NAV2: variants seen among roughly 807,000 people sequenced by gnomAD.
NAV2 encodes the protein neuron navigator 2, also known as helicase, APC down-regulated 1.
NAV2 carries 54 observed loss-of-function variants against 223.2 expected under a neutral mutation model. That is an observed-to-expected ratio of 0.24 (90% CI 0.19 to 0.30). The LOEUF (loss-of-function observed/expected upper bound fraction) is 0.30. NAV2 is among the 10% of genes least tolerant of loss of function. The pLI is 1.00. For missense variants in NAV2, 2,806 were observed against 3,147.5 expected (o/e 0.89, Z 2.60); for synonymous variants, 1,279 against 1,239.3 (o/e 1.03, Z -0.67).
intron 1 of NAV2, among the ~76,000 whole-genome samples, chr11:19,612,989 T>A (rs1179600348): frequency 6.6e-6 from 1 of 152,156 alleles, no homozygotes; most frequent in African/African-American, 2.4e-5. Context: ...GGCCTCAGAA[T>A]CATCCCGGAA....
intron 1 of NAV2, among the ~76,000 whole-genome samples, chr11:19,452,718 G>A (rs1851831059): frequency 6.6e-6 from 1 of 152,170 alleles, no homozygotes; most frequent in Admixed American, 6.5e-5. Flanking sequence ...ATAATAAGGT[G>A]TGAATATCTC....
chr11:19,689,179 C>G (rs1285997505), intron 1 of NAV2, among the ~76,000 whole-genome samples: 1 of 152,196 alleles, frequency 6.6e-6, no homozygotes, highest in Non-Finnish European at 1.5e-5. Context: ...TGTGACAATG[C>G]TGGGACAGAG....
At chr11:19,653,962 C>G (rs939506627) in intron 1 of NAV2, among the ~76,000 whole-genome samples, 3 of 152,144 alleles carry the variant, frequency 2.0e-5, no homozygotes, top group African/African-American at 7.2e-5. Flanking sequence ...TCCCTGTTTG[C>G]AGATGACATG....
chr11:19,737,971 T>C (rs1176370142), intron 1 of NAV2, among the ~76,000 whole-genome samples: 1 of 152,222 alleles, frequency 6.6e-6, no homozygotes. Flanking sequence ...TTAGTGGTGG[T>C]TATGATGTGA....
At chr11:19,925,542 G>T (rs1480730994) in intron 6 of NAV2, among the ~76,000 whole-genome samples, 1 of 152,040 alleles carries the variant, frequency 6.6e-6, no homozygotes, top group Non-Finnish European at 1.5e-5. Flanking sequence ...CGAGGTCAGG[G>T]GTTCGAGACC....
intron 3 of NAV2, among the ~76,000 whole-genome samples, chr11:19,859,801 G>A (rs1415739381): frequency 6.8e-6 from 1 of 146,754 alleles, no homozygotes. Flanking sequence ...CGGACGGGGC[G>A]GCTGGCCGGG....
intron 1 of NAV2, among the ~76,000 whole-genome samples, chr11:19,515,600 C>A (rs760655171): frequency 6.6e-6 from 1 of 152,200 alleles, no homozygotes; most frequent in African/African-American, 2.4e-5. Context: ...TTCCCAGATG[C>A]TAATTGCTCT....
At chr11:19,836,627 A>G (rs2060253770) in intron 2 of NAV2, among the ~76,000 whole-genome samples, 1 of 151,956 alleles carries the variant, frequency 6.6e-6, no homozygotes, top group Non-Finnish European at 1.5e-5. Flanking sequence ...GTAGTCAACA[A>G]CCTCTATTAA....
chr11:19,738,218 A>G lies in NAV2; in HGVS notation c.267+24256A>G, dbSNP rs73429711. ...CTGCAGAGAGTTCCCTCAGGGGGCC[A>G]GTGACATGCCCCAGAGTCGGGTCCC... On this transcript the variant is annotated intron_variant, in intron 1 of 37. Coordinates refer to ENST00000349880, the MANE Select transcript of NAV2 (RefSeq NM_145117.5). Among the ~76,000 whole-genome samples the G allele has an allele frequency of 3.2e-3, 487 of 152,332 alleles. 6 individuals carry two copies. Among genetic ancestry groups the G allele is most frequent in the African/African-American group, 0.011 (456 of 41,572 alleles).
chr11:19,982,270 T>G (rs1466014406), intron 10 of NAV2, among the ~76,000 whole-genome samples: 2 of 152,056 alleles, frequency 1.3e-5, no homozygotes, highest in African/African-American at 2.4e-5. Flanking sequence ...TTTTGTTTTG[T>G]TTTGTTTTGT....
At chr11:19,444,013 C>A (rs1475582881) in intron 1 of NAV2, among the ~76,000 whole-genome samples, 5 of 152,292 alleles carry the variant, frequency 3.3e-5, no homozygotes, top group African/African-American at 1.2e-4. Context: ...CGGCTCACTG[C>A]AACCTCTGCT....
upstream of NAV2, among the ~76,000 whole-genome samples, chr11:19,709,324 C>T (rs141861038): frequency 5.5e-4 from 83 of 152,196 alleles, 1 homozygote; most frequent in East Asian, 9.7e-3. Flanking sequence ...GGGCGAATCA[C>T]GAGGTCAGGA....
chr11:19,778,704 C>A (rs2056493483), intron 1 of NAV2, among the ~76,000 whole-genome samples: 1 of 152,198 alleles, frequency 6.6e-6, no homozygotes, highest in Admixed American at 6.5e-5. Flanking sequence ...TACTATTTTA[C>A]AACTTCATTT....
At chr11:19,970,676 TAAATGTG>T (rs779059658) in intron 10 of NAV2, among the ~76,000 whole-genome samples, 3 of 152,166 alleles carry the variant, frequency 2.0e-5, no homozygotes, top group Admixed American at 6.5e-5. Context: ...ACAGTTATAA[TAAATGTG>T]AAATAAGGGA....
chr11:20,086,260 G>A (rs2060439665), intron 26 of NAV2, among the ~76,000 whole-genome samples: 1 of 152,176 alleles, frequency 6.6e-6, no homozygotes, highest in South Asian at 2.1e-4. Context: ...ATGGGGAAGG[G>A]AGATCACCCA....
intron 10 of NAV2, among the ~76,000 whole-genome samples, chr11:19,969,840 G>T (rs899476370): frequency 7.9e-5 from 12 of 151,992 alleles, no homozygotes; most frequent in Non-Finnish European, 1.5e-4. Context: ...CAGCTACTCA[G>T]GAGGCTGAGG....
chr11:19,371,252 T>G (rs973936544), intron 1 of NAV2, among the ~76,000 whole-genome samples: 3 of 152,192 alleles, frequency 2.0e-5, no homozygotes, highest in Non-Finnish European at 4.4e-5. Context: ...TTATCTTGAT[T>G]TTTTTCCACG....
chr11:19,836,851 C>A (rs2060265897), intron 2 of NAV2, among the ~76,000 whole-genome samples: 1 of 152,074 alleles, frequency 6.6e-6, no homozygotes. Flanking sequence ...TTGGGAGGGC[C>A]CACTTCCTCA....
intron 6 of NAV2, among the ~76,000 whole-genome samples, chr11:19,909,980 CAACAAAGAAAATGGT>C (rs1413324861): frequency 6.6e-6 from 1 of 152,004 alleles, no homozygotes; most frequent in African/African-American, 2.4e-5. Context: ...GAAACAGTAA[CAACAAAGAAAATGGT>C]AACAGTCACT....
Sources: gnomAD v4.1 joint callset for allele counts (sites outside exome capture counted in the v4.1 genomes callset) on GRCh38, gnomAD v4.1.1 for gene constraint, MANE v1.5 for transcripts, NCBI Gene and HGNC (gene_info 2026-07-23, HGNC 2026-07-21) for gene names.